The following PDXK variants were observed in gnomAD, a reference collection of about 807,000 sequenced individuals.
The protein encoded by PDXK is pyridoxal kinase.
A neutral mutation model predicts 43.2 loss-of-function variants in PDXK; 15 were observed. That is an observed-to-expected ratio of 0.35 (90% confidence interval 0.23 to 0.53). PDXK has a LOEUF of 0.53. Ranked by LOEUF, PDXK falls within the 20% of genes least tolerant of loss-of-function variation. The pLI, the probability that PDXK is intolerant of heterozygous loss-of-function variation, is 0.92. For missense variants in PDXK, 343 were observed against 417.0 expected (o/e 0.82, Z 1.54); for synonymous variants, 172 against 165.4 (o/e 1.04, Z -0.31).
chr21:43,744,912 G>C (rs1261769422), intron 4 of PDXK, among the ~76,000 whole-genome samples: 2 of 152,198 alleles, frequency 1.3e-5, no homozygotes, highest in Non-Finnish European at 2.9e-5. Context: ...ATACAATGGA[G>C]TATTACTCAG....
intron 1 of PDXK, chr21:43,719,711 G>C (rs1478036768): frequency 1.0e-6 from 1 of 985,368 alleles, no homozygotes; most frequent in Non-Finnish European, 1.2e-6. Context: ...GCGGGGGCGG[G>C]CGGGCGGTGC....
chr21:43,741,714 G>A lies in PDXK; in HGVS notation c.190G>A (p.Glu64Lys). 1 of 1,613,332 alleles carries A rather than the reference G, an allele frequency of 6.2e-7. No individual in the cohort carries two copies. Among genetic ancestry groups the A allele is most frequent in the Non-Finnish European group, 8.5e-7 (1 of 1,179,544 alleles). The change falls in exon 3 of 11, where the codon GAG (glutamate) becomes AAG (lysine). Residue 64 changes from glutamate (E) to lysine (K), a missense_variant. Physicochemically the swap from Glu to Lys is moderately conservative, Grantham distance 56. Coordinates refer to ENST00000291565, the MANE Select transcript of PDXK (RefSeq NM_003681.5). ...AGTGCTGAATTCAGATGAGCTCCAG[G>A]AGTTGTACGAAGGCCTGAGGCTGAA... The part of the protein sequence containing the change: ...GQVLNSDELQ[E>K]LYEGLRLNNM...
chr21:43,757,416 C>T lies in PDXK; in HGVS notation c.*1353C>T, dbSNP rs1294284363. 1 of 152,294 alleles carries T rather than the reference C, an allele frequency of 6.6e-6. No homozygotes were observed. Among genetic ancestry groups the T allele is most frequent in the Non-Finnish European group, 1.5e-5 (1 of 68,100 alleles). 9.4% of individuals were successfully genotyped at this position (152,294 alleles called of 1,614,324 possible). The stretch of plus-strand genomic sequence containing the variant: ...TAGGGAGATGCAGGAAGTGGGGGCC[C>T]ATGGGGCCCCCAAGAAGCGGACTCT... On this transcript the variant is annotated 3_prime_UTR_variant, in exon 11 of 11. Coordinates refer to ENST00000291565, the MANE Select transcript of PDXK (RefSeq NM_003681.5).
rs141523089 is a variant in PDXK, at chr21:43,739,078, C to T, written c.143-2589C>T. ...CCTCCCAAGTAGCTGGGACTACAGG[C>T]ACCCGCAACCACGCCCGGCTAATTT... On this transcript the variant is annotated intron_variant, in intron 2 of 10. Coordinates refer to ENST00000291565, the MANE Select transcript of PDXK (RefSeq NM_003681.5). Among the ~76,000 whole-genome samples, 508 of 152,212 alleles carry T rather than the reference C, an allele frequency of 3.3e-3. 1 individual carries two copies. The highest frequency in any genetic ancestry group is 5.9e-3 in the Non-Finnish European group (404 of 67,994).
chr21:43,741,579 T>C (rs150441183), intron 2 of PDXK, 88 bp from the exon 3 acceptor site: 7 of 1,568,946 alleles, frequency 4.5e-6, no homozygotes, highest in Middle Eastern at 2.0e-4. Context: ...CCAGGCAGCC[T>C]CAGGGAGAGT....
At chr21:43,727,400 C>G (rs1272289782) in intron 1 of PDXK, among the ~76,000 whole-genome samples, 1 of 152,204 alleles carries the variant, frequency 6.6e-6, no homozygotes, top group African/African-American at 2.4e-5. Context: ...GCCTTGTGCC[C>G]ATCTATTCCC....
rs1050857969 is a variant in PDXK at position 43,759,546 on chromosome 21, C to G, written c.*3483C>G. The G allele has an allele frequency of 6.5e-6, 1 of 154,090 alleles. No individual in the cohort carries two copies. Among genetic ancestry groups the G allele is most frequent in the African/African-American group, 2.4e-5 (1 of 41,446 alleles). The allele number at this position is 154,090 out of a possible 1,614,324, so 9.5% of individuals were successfully genotyped here. On this transcript the variant is annotated 3_prime_UTR_variant, in exon 11 of 11. Transcript: ENST00000291565. ...CCCGGGTAGCCAGGAGTCTCTCCCT[C>G]TCTCCCCTGCCGCCTGCCTGGTCTC...
At chr21:43,719,624 G>C in intron 1 of PDXK, 1 of 985,424 alleles carries the variant, frequency 1.0e-6, no homozygotes, top group Non-Finnish European at 1.2e-6. Context: ...GGGGTACGCG[G>C]GTAGGAGGGA....
At chr21:43,739,828 A>T (rs371976003) in intron 2 of PDXK, among the ~76,000 whole-genome samples, 1 of 151,766 alleles carries the variant, frequency 6.6e-6, no homozygotes, top group East Asian at 1.9e-4. Context: ...CCTGCCTGGA[A>T]AGATATCAAA....
chr21:43,745,265 C>T (rs1240705959), intron 4 of PDXK, among the ~76,000 whole-genome samples: 1 of 152,008 alleles, frequency 6.6e-6, no homozygotes, highest in Admixed American at 6.6e-5. Flanking sequence ...AATAAAAATA[C>T]AAAAATTAGC....
chr21:43,745,877 G>A lies in PDXK; in HGVS notation c.332-202G>A, dbSNP rs1479727874. 6 of 606,756 alleles carry A rather than the reference G, an allele frequency of 9.9e-6. No homozygotes were observed. The Admixed American group carries it at 1.2e-4, about 13-fold the overall frequency. The allele number at this position is 606,756 out of a possible 1,614,324, so 37.6% of individuals were successfully genotyped here. A position where few individuals can be genotyped will look rare whatever the true frequency, so the allele number is the denominator to read the frequency against. ...CTGGGTGTGCTGCTGCATGCCTGTGGTCTCAGCCACTTGGGAGGGTGAGGC... is the reference window on the plus strand; with the variant it reads ...CTGGGTGTGCTGCTGCATGCCTGTGATCTCAGCCACTTGGGAGGGTGAGGC... On this transcript the variant is annotated intron_variant, in intron 4 of 10. Transcript: ENST00000291565.
chr21:43,728,167 G>T lies in PDXK; in HGVS notation c.88-5902G>T, dbSNP rs540341402. Among the ~76,000 whole-genome samples, 16 of 152,284 alleles carry T rather than the reference G, an allele frequency of 1.1e-4. No homozygotes were observed. In the East Asian group the frequency reaches 1.7e-3, roughly 17 times the overall value. On this transcript the variant is annotated intron_variant, in intron 1 of 10. Transcript: ENST00000291565. ...GGATGAGGGGAGACTGCTCTGGGGG[G>T]CTCGGGGCCATTTCCACCAGAAGTT...
At chr21:43,742,658 C>T (rs1189256795) in intron 3 of PDXK, among the ~76,000 whole-genome samples, 2 of 152,110 alleles carry the variant, frequency 1.3e-5, no homozygotes, top group African/African-American at 4.8e-5. Flanking sequence ...GGGAGGCTCG[C>T]TTGAGACCAG....
At position 43,760,067 on chromosome 21, in the gene PDXK, GC is replaced by G. The variant is rs1191215460; in HGVS notation, c.*4007del. 5 of 153,860 alleles carry G rather than the reference GC, an allele frequency of 3.2e-5. No homozygotes were observed. Among genetic ancestry groups the G allele is most frequent in the African/African-American group, 1.2e-4 (5 of 41,466 alleles). 9.5% of individuals were successfully genotyped at this position (153,860 alleles called of 1,614,324 possible). A position where few individuals can be genotyped will look rare whatever the true frequency, so the allele number is the denominator to read the frequency against. On this transcript the variant is annotated 3_prime_UTR_variant, in exon 11 of 11. Transcript: ENST00000291565. ...AGGGGAGGATACCTGAGCCTGTATG[GC>G]CCTGTAGCCCTGGGCAGAGCTGGGC...
intron 1 of PDXK, chr21:43,728,942 C>A (rs2083282268): frequency 7.1e-6 from 7 of 985,358 alleles, no homozygotes; most frequent in Admixed American, 6.1e-5. Flanking sequence ...TTATTTTGAC[C>A]CCCCAGGGCA....
rs141977096 is a variant in PDXK at position 43,755,902 on chromosome 21, C to T, written c.827-49C>T. 275 of 1,491,842 alleles carry T rather than the reference C, an allele frequency of 1.8e-4. 3 individuals carry two copies. The East Asian group carries it at 4.3e-3, about 23-fold the overall frequency. The allele number at this position is 1,491,842 out of a possible 1,614,324, so 92.4% of individuals were successfully genotyped here. ...TCACCTCTGGGAGTGGGGGCAACAG[C>T]GGGAGCCCCTCTGAGATGGGAACTC... is the stretch of plus-strand genomic sequence containing the variant. On this transcript the variant is annotated intron_variant, in intron 10 of 10. Coordinates refer to ENST00000291565, the MANE Select transcript of PDXK (RefSeq NM_003681.5).
At chr21:43,730,394 G>A (rs2083303240) in intron 1 of PDXK, among the ~76,000 whole-genome samples, 1 of 152,130 alleles carries the variant, frequency 6.6e-6, no homozygotes, top group Non-Finnish European at 1.5e-5. Flanking sequence ...CCAAAGTGCT[G>A]GGATTACAGG....
chr21:43,719,846 T>C (rs1210627671), intron 1 of PDXK: 5 of 985,322 alleles, frequency 5.1e-6, no homozygotes, highest in African/African-American at 1.7e-5. Context: ...CGCGCTCACC[T>C]CCTGGGCCCC....
Position 43,752,596 on chromosome 21 carries a change from A to G in PDXK, c.589A>G (p.Asn197Asp), listed in dbSNP as rs1801101217. The stretch of plus-strand genomic sequence containing the variant: ...CGACCTGCCCTCCCCGCAGGGCAGC[A>G]ACTACCTGATTGTGCTGGGGAGTCA... ...SSDLPSPQGSNYLIVLGSQRR... is the reference protein window; with the variant it reads ...SSDLPSPQGSDYLIVLGSQRR... Residue 197 changes from asparagine to aspartate, a missense_variant, in exon 8 of 11, where the codon AAC becomes GAC. Transcript: ENST00000291565. 6.2e-7 allele frequency: 1 copy of G among 1,612,524 alleles called. No homozygotes were observed. Among genetic ancestry groups the G allele is most frequent in the African/African-American group, 1.3e-5 (1 of 75,028 alleles).
Sources: allele counts gnomAD v4.1 joint callset (sites outside exome capture counted in the v4.1 genomes callset), GRCh38; gene constraint gnomAD v4.1.1; transcripts MANE v1.5; gene names NCBI Gene and HGNC (gene_info 2026-07-23, HGNC 2026-07-21).